Variants in RIMS1 observed in about 807,000 individuals in gnomAD.
RIMS1 encodes the protein regulating synaptic membrane exocytosis 1, also known as regulating synaptic membrane exocytosis protein 1.
RIMS1 carries 83 observed loss-of-function variants against 214.1 expected under a neutral mutation model. The observed-to-expected ratio is 0.39, with a 90% confidence interval of 0.32 to 0.47. RIMS1 has a LOEUF of 0.47. Among genes scored for constraint, RIMS1 ranks in the 20% least tolerant of loss-of-function variants. The pLI is 0.99. For missense variants in RIMS1, 2,050 were observed against 2,161.8 expected, an observed-to-expected ratio of 0.95 and a Z score of 1.03; for synonymous variants, 793 against 786.8, an observed-to-expected ratio of 1.01 and a Z score of -0.13.
intron 22 of RIMS1, among the ~76,000 whole-genome samples, chr6:72,272,521 C>T (rs1340502042): frequency 2.6e-5 from 4 of 152,128 alleles, no homozygotes; most frequent in South Asian, 2.1e-4. Flanking sequence ...ACCAAATATT[C>T]GTTTAAAATT....
intron 2 of RIMS1, among the ~76,000 whole-genome samples, chr6:72,040,079 T>A (rs556865240): frequency 7.9e-5 from 12 of 152,222 alleles, no homozygotes; most frequent in East Asian, 1.9e-4. Flanking sequence ...ACACAAAAAA[T>A]TTTTTAAATA....
At chr6:72,274,283 G>A in intron 22 of RIMS1, 66 bp from the exon 23 acceptor site, 3 of 1,109,568 alleles carry the variant, frequency 2.7e-6, no homozygotes, top group Non-Finnish European at 4.0e-6. Flanking sequence ...CTTGTTCCAT[G>A]TATTCTTTTA....
chr6:72,182,181 T>TTA, intron 5 of RIMS1, 103 bp from the exon 6 acceptor site: 1 of 1,270,058 alleles, frequency 7.9e-7, no homozygotes. Flanking sequence ...CTATAACTAA[T>TTA]TATTGTAACT....
chr6:72,271,269 G>GA (rs1159251437), intron 22 of RIMS1, among the ~76,000 whole-genome samples: 15 of 52,826 alleles, frequency 2.8e-4, no homozygotes, highest in Non-Finnish European at 5.3e-4. Context: ...CCATCTCAAG[G>GA]AAAAAAAAAA....
intron 2 of RIMS1, among the ~76,000 whole-genome samples, chr6:71,999,293 A>C (rs1024659022): frequency 5.3e-5 from 8 of 152,114 alleles, no homozygotes; most frequent in African/African-American, 1.7e-4. Context: ...GGACTCCCAG[A>C]AGAATACTAA....
In RIMS1 at chr6:72,097,169, A is replaced by G. The variant is rs2031992948; in HGVS notation, c.459+7A>G. On this transcript the variant is annotated splice_region_variant and intron_variant, in intron 3 of 33. Coordinates refer to ENST00000521978, the MANE Select transcript of RIMS1 (RefSeq NM_014989.7). ...GTCTCTACGGTCAAACAACGTGAGT[A>G]TTCCATGAACATAAGGGGCGTTGTG... The G allele has an allele frequency of 3.1e-6, 5 of 1,612,652 alleles. No individual in the cohort carries two copies. Among genetic ancestry groups the G allele is most frequent in the Non-Finnish European group, 4.2e-6 (5 of 1,179,090 alleles).
chr6:72,400,546 T>C lies in RIMS1; in HGVS notation c.4911T>C (p.Gly1637=). 1.9e-6 allele frequency: 3 copies of C among 1,613,986 alleles called. No individual in the cohort carries two copies. The highest frequency in any genetic ancestry group is 1.7e-6 in the Non-Finnish European group (2 of 1,179,924). Residue 1637 remains glycine (G), a synonymous_variant, in exon 34 of 34, where the codon GGT becomes GGC. Coordinates refer to ENST00000521978, the MANE Select transcript of RIMS1 (RefSeq NM_014989.7). ...GAATGGACCACAAATGCTTTATGGG[T>C]GTGGCTCAGATCTTGTTGGAAGAAC... The part of the protein sequence containing the change: ...YGRMDHKCFM[G]VAQILLEELD...
intron 16 of RIMS1, among the ~76,000 whole-genome samples, chr6:72,256,114 GA>G (rs920174015): frequency 6.6e-6 from 1 of 151,070 alleles, no homozygotes; most frequent in African/African-American, 2.4e-5. Context: ...ATAATGTGAA[GA>G]AAATCAAATT....
intron 2 of RIMS1, among the ~76,000 whole-genome samples, chr6:72,068,644 C>CG (rs1829867801): frequency 6.6e-6 from 1 of 152,050 alleles, no homozygotes; most frequent in African/African-American, 2.4e-5. Context: ...GAGGTGCTGG[C>CG]GGGGCGTGGT....
At chr6:71,986,109 C>A (rs188176140) in intron 2 of RIMS1, among the ~76,000 whole-genome samples, 1 of 150,580 alleles carries the variant, frequency 6.6e-6, no homozygotes, top group East Asian at 1.9e-4. Flanking sequence ...CTTGGGCATA[C>A]GTATACTGAA....
At chr6:72,333,241 CT>C (rs1306601609) in intron 28 of RIMS1, among the ~76,000 whole-genome samples, 1 of 151,832 alleles carries the variant, frequency 6.6e-6, no homozygotes, top group Non-Finnish European at 1.5e-5. Flanking sequence ...ATGAACTTTT[CT>C]TAATAATTGA....
chr6:72,155,722 G>A (rs1222446782), intron 4 of RIMS1, among the ~76,000 whole-genome samples: 1 of 140,112 alleles, frequency 7.1e-6, no homozygotes, highest in South Asian at 2.4e-4. Context: ...TCACTATCAC[G>A]AGAACAGTTC....
intron 6 of RIMS1, among the ~76,000 whole-genome samples, chr6:72,224,662 A>G (rs1355743163): frequency 1.3e-5 from 2 of 152,184 alleles, no homozygotes; most frequent in South Asian, 2.1e-4. Flanking sequence ...TTAGTCTTTG[A>G]CCGACATTAA....
intron 2 of RIMS1, among the ~76,000 whole-genome samples, chr6:72,062,932 C>A (rs769682404): frequency 6.5e-4 from 99 of 152,116 alleles, no homozygotes; most frequent in Admixed American, 1.3e-3. Context: ...TGGATTAGGG[C>A]TCTCTCTAAT....
At chr6:72,078,922 A>G (rs531620257) in intron 2 of RIMS1, among the ~76,000 whole-genome samples, 1 of 152,212 alleles carries the variant, frequency 6.6e-6, no homozygotes, top group South Asian at 2.1e-4. Context: ...AACACTATAC[A>G]TACTAAGCAT....
At chr6:72,202,365 C>A (rs1227484272) in intron 6 of RIMS1, among the ~76,000 whole-genome samples, 1 of 152,134 alleles carries the variant, frequency 6.6e-6, no homozygotes, top group Non-Finnish European at 1.5e-5. Context: ...GCCTTTCTCC[C>A]TGGTTTATGG....
intron 2 of RIMS1, among the ~76,000 whole-genome samples, chr6:72,093,453 G>A (rs918353139): frequency 1.6e-4 from 24 of 151,552 alleles, no homozygotes; most frequent in African/African-American, 5.8e-4. Flanking sequence ...ACCAGTTTTT[G>A]TTTTTTTGCT....
rs1019264978 is a variant in RIMS1 at position 72,156,084 on chromosome 6, G to T, written c.472-23491G>T. On this transcript the variant is annotated intron_variant, in intron 4 of 33. Transcript: ENST00000521978. ...GAGTTCCCTCAGAAAATTATAAATAGAAGTACTATATGATCCAGCAATCTC... is the reference window on the plus strand; with the variant it reads ...GAGTTCCCTCAGAAAATTATAAATATAAGTACTATATGATCCAGCAATCTC... The T allele has an allele frequency of 2.8e-5, 10 of 358,348 alleles. 1 individual carries two copies. Among genetic ancestry groups the T allele is most frequent in the Non-Finnish European group, 5.7e-5 (10 of 175,842 alleles). 22.2% of individuals were successfully genotyped at this position (358,348 alleles called of 1,614,324 possible).
At chr6:72,113,116 G>T (rs1007745341) in intron 4 of RIMS1, among the ~76,000 whole-genome samples, 1 of 152,096 alleles carries the variant, frequency 6.6e-6, no homozygotes, top group Non-Finnish European at 1.5e-5. Context: ...AGGGCAGTGT[G>T]CAGAGTCATG....
Sources: gnomAD v4.1 joint callset for allele counts (sites outside exome capture counted in the v4.1 genomes callset) on GRCh38, gnomAD v4.1.1 for gene constraint, MANE v1.5 for transcripts, NCBI Gene and HGNC (gene_info 2026-07-23, HGNC 2026-07-21) for gene names.